The following CHSY3 variants were observed in gnomAD, a reference collection of about 807,000 sequenced individuals.
CHSY3 encodes the protein chondroitin sulfate synthase 3, also known as N-acetylgalactosaminyl-proteoglycan 3-beta-glucuronosyltransferase 3.
In CHSY3, 35 loss-of-function variants were observed where a neutral mutation model predicts 67.2. That is an observed-to-expected ratio of 0.52 (90% CI 0.40 to 0.69). The LOEUF is 0.69. CHSY3 is among the 30% of genes least tolerant of loss of function. CHSY3 has a pLI of 0.00. For synonymous variants in CHSY3, 474 were observed against 434.7 expected, an observed-to-expected ratio of 1.09 and a Z score of -1.12; for missense variants, 1,069 against 1,138.5, an observed-to-expected ratio of 0.94 and a Z score of 0.88.
At chr5:129,934,793 A>G (rs983737213) in intron 2 of CHSY3, among the ~76,000 whole-genome samples, 4 of 152,184 alleles carry the variant, frequency 2.6e-5, no homozygotes, top group Non-Finnish European at 4.4e-5. Flanking sequence ...GATTTGGGAA[A>G]AGAGAAGGGA....
intron 2 of CHSY3, among the ~76,000 whole-genome samples, chr5:130,165,472 G>A (rs1769717372): frequency 6.6e-6 from 1 of 151,962 alleles, no homozygotes; most frequent in Admixed American, 6.6e-5. Flanking sequence ...GATATAGGAA[G>A]CTTTTAATGT....
chr5:129,995,055 T>G (rs1763495325), intron 2 of CHSY3, among the ~76,000 whole-genome samples: 1 of 151,658 alleles, frequency 6.6e-6, no homozygotes, highest in Non-Finnish European at 1.5e-5. Context: ...AAAAAAAAAT[T>G]TAGACTTTCA....
intron 2 of CHSY3, among the ~76,000 whole-genome samples, chr5:130,179,600 C>T (rs908117887): frequency 1.3e-5 from 2 of 152,084 alleles, no homozygotes; most frequent in African/African-American, 4.8e-5. Context: ...TGAGCTCTTA[C>T]ATTTCCCTTT....
chr5:130,001,236 T>C (rs755866087), intron 2 of CHSY3, among the ~76,000 whole-genome samples: 33 of 152,148 alleles, frequency 2.2e-4, no homozygotes, highest in Non-Finnish European at 2.6e-4. Flanking sequence ...CACCTCTCAG[T>C]GCTCAGGTTA....
intron 2 of CHSY3, among the ~76,000 whole-genome samples, chr5:129,936,178 G>A (rs1386600342): frequency 1.3e-5 from 2 of 152,274 alleles, no homozygotes; most frequent in South Asian, 4.1e-4. Flanking sequence ...GTCAGATTTG[G>A]AGAAAACTAA....
At chr5:130,041,800 CA>C (rs1423822869) in intron 2 of CHSY3, among the ~76,000 whole-genome samples, 1 of 152,026 alleles carries the variant, frequency 6.6e-6, no homozygotes, top group African/African-American at 2.4e-5. Flanking sequence ...GCATAGTGAT[CA>C]CATTTGAAAT....
chr5:129,945,580 G>T (rs568537155), intron 2 of CHSY3, among the ~76,000 whole-genome samples: 3 of 152,196 alleles, frequency 2.0e-5, no homozygotes, highest in Admixed American at 2.0e-4. Flanking sequence ...TACTTTTTGG[G>T]CAAAGTTGAG....
intron 2 of CHSY3, among the ~76,000 whole-genome samples, chr5:129,935,815 C>G (rs1196030792): frequency 2.0e-5 from 3 of 152,152 alleles, no homozygotes; most frequent in Non-Finnish European, 4.4e-5. Flanking sequence ...CATAAATCAC[C>G]AGCTGTTGTT....
At chr5:130,018,054 G>A (rs1470996699) in intron 2 of CHSY3, among the ~76,000 whole-genome samples, 1 of 152,174 alleles carries the variant, frequency 6.6e-6, no homozygotes, top group Non-Finnish European at 1.5e-5. Flanking sequence ...AAAGTAGGTT[G>A]TAGAGGTACG....
At chr5:130,086,571 A>C (rs1053043795) in intron 2 of CHSY3, among the ~76,000 whole-genome samples, 1 of 152,144 alleles carries the variant, frequency 6.6e-6, no homozygotes, top group Non-Finnish European at 1.5e-5. Context: ...AACTACCATC[A>C]GAGAATACTA....
intron 1 of CHSY3, 63 bp from the exon 2 acceptor site, chr5:129,908,014 C>T (rs1166525194): frequency 7.7e-6 from 12 of 1,558,030 alleles, no homozygotes; most frequent in Middle Eastern, 4.3e-4. Flanking sequence ...TGTCCCTTAC[C>T]TTGTACATGA....
At chr5:130,160,748 C>T (rs1400866408) in intron 2 of CHSY3, among the ~76,000 whole-genome samples, 1 of 152,076 alleles carries the variant, frequency 6.6e-6, no homozygotes, top group Non-Finnish European at 1.5e-5. Flanking sequence ...GTGTTACCTA[C>T]TTGCCAAATG....
intron 2 of CHSY3, among the ~76,000 whole-genome samples, chr5:130,088,367 T>TGGGA (rs1766743705): frequency 4.2e-5 from 6 of 142,270 alleles, no homozygotes; most frequent in African/African-American, 1.1e-4. Context: ...AATTGACAAA[T>TGGGA]TAAACTAAAG....
intron 2 of CHSY3, among the ~76,000 whole-genome samples, chr5:130,041,185 A>G (rs1764997772): frequency 6.6e-6 from 1 of 152,054 alleles, no homozygotes. Context: ...TACCCACCCA[A>G]TGACTGACTG....
Position 130,185,843 on chromosome 5 carries a change from G to T in CHSY3, c.*52G>T. ...TTTAAGGGGAGTTTACCTCATTGTTGGTTGTTGTTATTTTTATTGTATTAT... is the reference window on the plus strand; with the variant it reads ...TTTAAGGGGAGTTTACCTCATTGTTTGTTGTTGTTATTTTTATTGTATTAT... On this transcript the variant is annotated 3_prime_UTR_variant, in exon 3 of 3. Transcript: ENST00000305031. The T allele has an allele frequency of 1.8e-6, 2 of 1,134,016 alleles. No individual in the cohort carries two copies. The highest frequency in any genetic ancestry group is 1.2e-6 in the Non-Finnish European group (1 of 823,324). The allele number at this position is 1,134,016 out of a possible 1,614,324, so 70.2% of individuals were successfully genotyped here.
intron 2 of CHSY3, among the ~76,000 whole-genome samples, chr5:130,026,168 A>G (rs186333340): frequency 3.9e-4 from 59 of 152,182 alleles, no homozygotes; most frequent in Non-Finnish European, 2.1e-4. Flanking sequence ...TCTGCAGCCC[A>G]CCCTTTCTTT....
At chr5:130,031,345 G>A (rs896466443) in intron 2 of CHSY3, among the ~76,000 whole-genome samples, 1 of 151,936 alleles carries the variant, frequency 6.6e-6, no homozygotes, top group African/African-American at 2.4e-5. Flanking sequence ...TACTTTAATG[G>A]ATTTTATGCA....
chr5:130,137,638 G>C (rs931714588), intron 2 of CHSY3, among the ~76,000 whole-genome samples: 2 of 152,046 alleles, frequency 1.3e-5, no homozygotes, highest in African/African-American at 2.4e-5. Flanking sequence ...TCAACTATTT[G>C]TTTTCCTACT....
chr5:130,118,886 C>T (rs1767913091), intron 2 of CHSY3, among the ~76,000 whole-genome samples: 1 of 152,116 alleles, frequency 6.6e-6, no homozygotes, highest in Non-Finnish European at 1.5e-5. Context: ...CTTTCTTTCA[C>T]ATACTGATAG....
Sources: allele counts gnomAD v4.1 joint callset (sites outside exome capture counted in the v4.1 genomes callset), GRCh38; gene constraint gnomAD v4.1.1; transcripts MANE v1.5; gene names NCBI Gene and HGNC (gene_info 2026-07-23, HGNC 2026-07-21).